The following CCSER1 variants were observed in gnomAD, a reference collection of about 807,000 sequenced individuals.
CCSER1 encodes coiled-coil serine rich protein 1.
CCSER1 carries 41 observed loss-of-function variants against 82.0 expected under a neutral mutation model. That is an observed-to-expected ratio of 0.50 (90% CI 0.39 to 0.65). The LOEUF is 0.65. CCSER1 is among the 30% of genes least tolerant of loss of function. The pLI is 0.00. For missense variants in CCSER1, 1,119 were observed against 1,064.2 expected, an observed-to-expected ratio of 1.05 and a Z score of -0.72; for synonymous variants, 414 against 383.9, an observed-to-expected ratio of 1.08 and a Z score of -0.92.
intron 4 of CCSER1, among the ~76,000 whole-genome samples, chr4:90,410,136 A>G (rs1249731067): frequency 6.6e-6 from 1 of 152,134 alleles, no homozygotes; most frequent in Non-Finnish European, 1.5e-5. Flanking sequence ...TAAAGCAAGT[A>G]CTTAGTGACC....
chr4:90,648,327 AAG>A (rs1290114062), intron 6 of CCSER1, among the ~76,000 whole-genome samples: 2 of 151,354 alleles, frequency 1.3e-5, no homozygotes, highest in Non-Finnish European at 2.9e-5. Context: ...GAAAGAAAGA[AAG>A]AAAGAAAGAA....
chr4:90,985,354 A>AT (rs568587757), intron 9 of CCSER1, among the ~76,000 whole-genome samples: 42 of 148,882 alleles, frequency 2.8e-4, no homozygotes, highest in South Asian at 2.5e-3. Flanking sequence ...AAGCCATCAG[A>AT]TTTTTTTTTT....
chr4:91,420,450 C>T (rs571394430), intron 10 of CCSER1, among the ~76,000 whole-genome samples: 2 of 152,172 alleles, frequency 1.3e-5, no homozygotes, highest in Non-Finnish European at 2.9e-5. Context: ...TACTCAACAT[C>T]ATTAATTGTC....
intron 5 of CCSER1, among the ~76,000 whole-genome samples, chr4:90,568,174 G>C (rs1250523928): frequency 6.6e-6 from 1 of 152,152 alleles, no homozygotes; most frequent in Non-Finnish European, 1.5e-5. Context: ...CTGTTAATTA[G>C]ATTTAGTTGA....
chr4:91,091,992 G>A (rs62312175), intron 10 of CCSER1, among the ~76,000 whole-genome samples: 30,855 of 152,018 alleles, frequency 0.2, 3,536 homozygotes, highest in African/African-American at 0.29. Context: ...AAGTCCTCGC[G>A]GTATAGGAGG....
At chr4:91,031,444 T>C (rs1740975144) in intron 9 of CCSER1, among the ~76,000 whole-genome samples, 1 of 152,134 alleles carries the variant, frequency 6.6e-6, no homozygotes, top group Admixed American at 6.6e-5. Context: ...TTCAAGGTGT[T>C]TATTCCCTCT....
intron 9 of CCSER1, among the ~76,000 whole-genome samples, chr4:90,986,208 G>A (rs1171866879): frequency 6.6e-6 from 1 of 151,552 alleles, no homozygotes; most frequent in East Asian, 1.9e-4. Flanking sequence ...TTAATTTTTG[G>A]TAACTTTTTG....
intron 9 of CCSER1, among the ~76,000 whole-genome samples, chr4:90,969,938 C>T (rs891794741): frequency 6.6e-6 from 1 of 150,602 alleles, no homozygotes; most frequent in Non-Finnish European, 1.5e-5. Context: ...ATAAAAAAAA[C>T]CTCTAGTAAA....
At chr4:90,359,952 A>T (rs1205505635) in intron 3 of CCSER1, among the ~76,000 whole-genome samples, 1 of 145,524 alleles carries the variant, frequency 6.9e-6, no homozygotes. Flanking sequence ...GGAGTCTCAC[A>T]CTGTTGCCCT....
chr4:90,630,612 G>A (rs1288085485), intron 6 of CCSER1, among the ~76,000 whole-genome samples: 1 of 151,812 alleles, frequency 6.6e-6, no homozygotes, highest in East Asian at 1.9e-4. Flanking sequence ...TATCAACAGG[G>A]AAAAGCAATA....
chr4:90,342,417 C>T (rs1253848963), intron 3 of CCSER1, among the ~76,000 whole-genome samples: 11 of 152,158 alleles, frequency 7.2e-5, no homozygotes, highest in Non-Finnish European at 1.5e-5. Flanking sequence ...CTATCCTCAC[C>T]CTTACGCCAT....
rs1424027869 is a variant in CCSER1 at position 91,326,729 on chromosome 4, A to C, written c.2217+240735A>C. The stretch of plus-strand genomic sequence containing the variant: ...GTCCCTTCTGCCTATGAGCCTGTAA[A>C]ACAAAAAACAAGCTAGTTACTTCCA... On this transcript the variant is annotated intron_variant, in intron 10 of 10. Transcript: ENST00000509176. Among the ~76,000 whole-genome samples the C allele has an allele frequency of 2.6e-5, 4 of 152,134 alleles. No individual in the cohort carries two copies. In the East Asian group the frequency reaches 7.7e-4, roughly 29 times the overall value.
intron 10 of CCSER1, among the ~76,000 whole-genome samples, chr4:91,268,552 C>G (rs976983268): frequency 1.3e-5 from 2 of 152,122 alleles, no homozygotes; most frequent in Non-Finnish European, 2.9e-5. Flanking sequence ...AATTATGTCA[C>G]GCGCTTCCCA....
intron 1 of CCSER1, among the ~76,000 whole-genome samples, chr4:90,283,283 A>G (rs1729199037): frequency 6.6e-6 from 1 of 151,990 alleles, no homozygotes; most frequent in South Asian, 2.1e-4. Flanking sequence ...TAAGTATTCT[A>G]TTAAATAGAA....
At chr4:91,149,233 T>C (rs1729871877) in intron 10 of CCSER1, among the ~76,000 whole-genome samples, 2 of 152,330 alleles carry the variant, frequency 1.3e-5, no homozygotes, top group Admixed American at 1.3e-4. Flanking sequence ...TGATGGCCAG[T>C]GATGATGAGC....
At chr4:90,157,442 TCTC>T (rs199852068) in intron 1 of CCSER1, among the ~76,000 whole-genome samples, 44,113 of 151,780 alleles carry the variant, frequency 0.29, 7,749 homozygotes, top group Non-Finnish European at 0.4. Context: ...TTGGGGAAGT[TCTC>T]CTGGATAATA....
Position 91,512,473 on chromosome 4 carries a change from G to A in CCSER1, c.2218-86099G>A, listed in dbSNP as rs550343607. ...GCCACAGACTGAAGGCTGCACTGTC[G>A]GCTTCCCTACTTTTGAGGTTTTGGG... On this transcript the variant is annotated intron_variant, in intron 10 of 10. Coordinates refer to ENST00000509176, the MANE Select transcript of CCSER1 (RefSeq NM_001145065.2). Among the ~76,000 whole-genome samples, 5 of 152,208 alleles carry A rather than the reference G, an allele frequency of 3.3e-5. 1 individual carries two copies. The highest frequency in any genetic ancestry group is 6.8e-3 in the Middle Eastern group (2 of 294).
chr4:91,191,659 G>A (rs897887704), intron 10 of CCSER1, among the ~76,000 whole-genome samples: 1 of 152,150 alleles, frequency 6.6e-6, no homozygotes, highest in Non-Finnish European at 1.5e-5. Flanking sequence ...CACAGTTTCA[G>A]GGAAATTCAG....
rs557984041 is a variant in CCSER1, at chr4:90,330,031, T to G, written c.1509+16984T>G. Among the ~76,000 whole-genome samples, 5 of 152,122 alleles carry G rather than the reference T, an allele frequency of 3.3e-5. No individual in the cohort carries two copies. In the East Asian group the frequency reaches 9.6e-4, roughly 29 times the overall value. On this transcript the variant is annotated intron_variant, in intron 3 of 10. Transcript: ENST00000509176. ...GACCAAAAAATAACATAGAAGAAAATAATGATAGATTATTTATTTTCCTTT... is the reference window on the plus strand; with the variant it reads ...GACCAAAAAATAACATAGAAGAAAAGAATGATAGATTATTTATTTTCCTTT...
Sources: gnomAD v4.1 joint callset for allele counts (sites outside exome capture counted in the v4.1 genomes callset) on GRCh38, gnomAD v4.1.1 for gene constraint, MANE v1.5 for transcripts, NCBI Gene and HGNC (gene_info 2026-07-23, HGNC 2026-07-21) for gene names.